The following NBAS variants were observed in gnomAD, a reference collection of about 807,000 sequenced individuals.
NBAS encodes the protein NBAS subunit of NRZ tethering complex.
NBAS carries 219 observed loss-of-function variants against 302.5 expected under a neutral mutation model. The ratio of observed to expected loss-of-function variants is 0.72; its 90% CI spans 0.65 to 0.81. The LOEUF (loss-of-function observed/expected upper bound fraction) is 0.81, where lower values mean the gene tolerates loss of function less well. NBAS is among the 30% of genes least tolerant of loss of function. NBAS has a pLI of 0.00. For missense variants in NBAS, 2,932 were observed against 2,841.6 expected (o/e 1.03, Z -0.72); for synonymous variants, 1,118 against 1,021.6 (o/e 1.09, Z -1.80).
At chr2:14,797,082 G>T in the NBAS span, among the ~76,000 whole-genome samples, 2 of 133,358 alleles carry the variant, frequency 1.5e-5, no homozygotes, top group Admixed American at 7.6e-5. Flanking sequence ...GGCACAGAGC[G>T]AGACTCCGTC....
At chr2:15,121,083 A>T in the NBAS span, among the ~76,000 whole-genome samples, 1 of 152,120 alleles carries the variant, frequency 6.6e-6, no homozygotes, top group Non-Finnish European at 1.5e-5. Context: ...AATAAAGCCA[A>T]ATGGGGATGG....
chr2:15,316,029 A>T (rs764615875), intron 38 of NBAS, among the ~76,000 whole-genome samples: 3 of 152,238 alleles, frequency 2.0e-5, no homozygotes, highest in Non-Finnish European at 4.4e-5. Context: ...GATGGTAAGT[A>T]AGTTTCACTG....
chr2:15,471,018 T>C lies in NBAS; in HGVS notation c.1725+2204A>G, dbSNP rs142106043. Among the ~76,000 whole-genome samples, 187 of 152,266 alleles carry C rather than the reference T, an allele frequency of 1.2e-3. 1 individual carries two copies. The highest frequency in any genetic ancestry group is 6.8e-3 in the Middle Eastern group (2 of 294). Reference sequence around the variant, plus strand: ...TATGAGCAAAAGCCACATTTATGCCTGTCCTGTACCCCTTCACAGTCCCTA... The same window carrying C: ...TATGAGCAAAAGCCACATTTATGCCCGTCCTGTACCCCTTCACAGTCCCTA... On this transcript the variant is annotated intron_variant, in intron 16 of 51. Coordinates refer to ENST00000281513, the MANE Select transcript of NBAS (RefSeq NM_015909.4).
the NBAS span, among the ~76,000 whole-genome samples, chr2:15,090,479 G>A: frequency 0.22 from 34,022 of 152,168 alleles, 4,025 homozygotes; most frequent in South Asian, 0.35. Context: ...GCTTGAGCAA[G>A]CTATAAAAAT....
the NBAS span, among the ~76,000 whole-genome samples, chr2:14,963,824 G>A: frequency 0.14 from 21,546 of 152,050 alleles, 1,911 homozygotes; most frequent in African/African-American, 0.26. Flanking sequence ...GTGTACTTTC[G>A]CTATAATAAA....
At chr2:14,936,048 A>G in the NBAS span, among the ~76,000 whole-genome samples, 2 of 152,198 alleles carry the variant, frequency 1.3e-5, no homozygotes, top group African/African-American at 4.8e-5. Context: ...TCTCCATGCC[A>G]TCTCCACGCT....
chr2:15,434,817 G>C (rs1040578133), intron 21 of NBAS, among the ~76,000 whole-genome samples: 2 of 152,142 alleles, frequency 1.3e-5, no homozygotes, highest in Non-Finnish European at 2.9e-5. Flanking sequence ...GTCAACCAAG[G>C]ATTGATGAGA....
chr2:15,494,887 C>A (rs2380653), intron 11 of NBAS, among the ~76,000 whole-genome samples: 96,792 of 151,826 alleles, frequency 0.64, 31,580 homozygotes, highest in Non-Finnish European at 0.68. Flanking sequence ...CATTTTTACC[C>A]CCCTTTTTTC....
the NBAS span, among the ~76,000 whole-genome samples, chr2:14,916,154 G>A: frequency 1.3e-5 from 2 of 152,146 alleles, no homozygotes; most frequent in Admixed American, 6.5e-5. Flanking sequence ...ATTATATCAA[G>A]ATGCTTTAGA....
chr2:14,912,881 C>T, the NBAS span, among the ~76,000 whole-genome samples: 1 of 152,118 alleles, frequency 6.6e-6, no homozygotes, highest in African/African-American at 2.4e-5. Context: ...CAACGCAAGG[C>T]ATGGACTGAA....
At chr2:15,357,850 G>A (rs6727262) in intron 32 of NBAS, among the ~76,000 whole-genome samples, 115,587 of 152,010 alleles carry the variant, frequency 0.76, 45,203 homozygotes, top group African/African-American at 0.91. Flanking sequence ...TCTCTTGTCC[G>A]ACTGATCACA....
the NBAS span, among the ~76,000 whole-genome samples, chr2:14,797,575 C>A: frequency 1.4e-4 from 21 of 152,174 alleles, no homozygotes; most frequent in Non-Finnish European, 2.2e-4. Flanking sequence ...CACTGCATCC[C>A]CCTCATCTGG....
At chr2:15,114,304 C>G in the NBAS span, among the ~76,000 whole-genome samples, 1 of 152,130 alleles carries the variant, frequency 6.6e-6, no homozygotes, top group Non-Finnish European at 1.5e-5. Context: ...CCAGAGTCCT[C>G]TCTCCCGGGC....
chr2:14,903,076 G>GA, the NBAS span, among the ~76,000 whole-genome samples: 3 of 151,842 alleles, frequency 2.0e-5, no homozygotes, highest in South Asian at 2.1e-4. Context: ...AAAAAAAAAT[G>GA]AAAAAATAAG....
At chr2:15,347,374 T>C (rs1347659832) in intron 35 of NBAS, among the ~76,000 whole-genome samples, 3 of 152,164 alleles carry the variant, frequency 2.0e-5, no homozygotes, top group Admixed American at 2.0e-4. Flanking sequence ...TTATTCAAAA[T>C]AGCTAAGAAA....
rs1679967405 is a variant in NBAS, at chr2:15,471,795, GTCTGC to G, written c.1725+1422_1725+1426del. On this transcript the variant is annotated intron_variant, in intron 16 of 51. Transcript: ENST00000281513. Reference sequence around the variant, plus strand: ...AGAGCCTTCTTTCTCTCTCTCTGCTGTCTGCCATATAAGGACACAGCAAGAAAGAA... The same window carrying G: ...AGAGCCTTCTTTCTCTCTCTCTGCTGCATATAAGGACACAGCAAGAAAGAA... Among the ~76,000 whole-genome samples, 3 of 152,264 alleles carry G rather than the reference GTCTGC, an allele frequency of 2.0e-5. No homozygotes were observed. In the East Asian group the frequency reaches 5.8e-4, roughly 29 times the overall value.
At chr2:15,324,654 G>A (rs1182362798) in intron 38 of NBAS, among the ~76,000 whole-genome samples, 3 of 152,080 alleles carry the variant, frequency 2.0e-5, no homozygotes, top group Non-Finnish European at 2.9e-5. Flanking sequence ...TTATAAGCCC[G>A]TTGAAGGCAG....
At chr2:15,500,867 T>A (rs887790977) in intron 11 of NBAS, among the ~76,000 whole-genome samples, 1 of 149,924 alleles carries the variant, frequency 6.7e-6, no homozygotes, top group African/African-American at 2.5e-5. Context: ...GAGCTTGCAA[T>A]GAGCCTAGAT....
intron 36 of NBAS, among the ~76,000 whole-genome samples, chr2:15,330,095 A>T (rs1672253964): frequency 6.6e-6 from 1 of 152,182 alleles, no homozygotes; most frequent in Non-Finnish European, 1.5e-5. Flanking sequence ...TTTGAGGTGA[A>T]CTGCTAATAG....
Sources: allele counts gnomAD v4.1 joint callset (sites outside exome capture counted in the v4.1 genomes callset), GRCh38; gene constraint gnomAD v4.1.1; transcripts MANE v1.5; gene names NCBI Gene and HGNC (gene_info 2026-07-23, HGNC 2026-07-21).